The following PIGL variants were observed in gnomAD, a reference collection of about 807,000 sequenced individuals.
The protein encoded by PIGL is N-acetylglucosaminyl-phosphatidylinositol de-N-acetylase.
PIGL carries 22 observed loss-of-function variants against 31.1 expected under a neutral mutation model. The ratio of observed to expected loss-of-function variants is 0.71; its 90% CI spans 0.51 to 1.01. The LOEUF (loss-of-function observed/expected upper bound fraction) is 1.01, where lower values mean the gene tolerates loss of function less well. Ranked by LOEUF, PIGL falls within the 50% of genes least tolerant of loss-of-function variation. PIGL has a pLI of 0.00. For synonymous variants in PIGL, 131 were observed against 117.4 expected (o/e 1.12, Z -0.75); for missense variants, 302 against 315.9 (o/e 0.96, Z 0.33).
At chr17:16,320,080 G>A (rs2093096592) in intron 6 of PIGL, among the ~76,000 whole-genome samples, 1 of 150,770 alleles carries the variant, frequency 6.6e-6, no homozygotes, top group African/African-American at 2.4e-5. Flanking sequence ...GAGCCCAGGA[G>A]TTTGTGTCTG....
intron 6 of PIGL, among the ~76,000 whole-genome samples, chr17:16,322,126 C>A (rs1338099981): frequency 6.7e-6 from 1 of 149,810 alleles, no homozygotes; most frequent in Non-Finnish European, 1.5e-5. Flanking sequence ...CAGAGTCTTG[C>A]TCTGTCACCC....
At chr17:16,265,893 T>C (rs1309716077) in intron 2 of PIGL, among the ~76,000 whole-genome samples, 1 of 152,088 alleles carries the variant, frequency 6.6e-6, no homozygotes, top group African/African-American at 2.4e-5. Context: ...GTAAAAGTCC[T>C]GAGTATCCTG....
intron 2 of PIGL, among the ~76,000 whole-genome samples, chr17:16,250,580 G>T (rs2092767013): frequency 6.6e-6 from 1 of 152,148 alleles, no homozygotes; most frequent in Admixed American, 6.6e-5. Context: ...CAGAGCTTTG[G>T]AATCTTACTT....
intron 1 of PIGL, among the ~76,000 whole-genome samples, chr17:16,223,027 A>G (rs1364586991): frequency 6.6e-6 from 1 of 152,264 alleles, no homozygotes; most frequent in East Asian, 1.9e-4. Flanking sequence ...AAATAAATAA[A>G]TAAAATGAAA....
intron 3 of PIGL, among the ~76,000 whole-genome samples, chr17:16,304,997 C>T (rs1042698038): frequency 3.3e-5 from 5 of 152,052 alleles, no homozygotes; most frequent in African/African-American, 1.2e-4. Context: ...ACAATCAAAA[C>T]GTCTCTAGGC....
chr17:16,311,800 G>C (rs1418083129), intron 3 of PIGL, among the ~76,000 whole-genome samples: 1 of 152,060 alleles, frequency 6.6e-6, no homozygotes, highest in Non-Finnish European at 1.5e-5. Context: ...CAACAGCATC[G>C]CAAGGCAGAA....
intron 3 of PIGL, among the ~76,000 whole-genome samples, chr17:16,311,486 A>ATTTTTTTTT (rs1568840853): frequency 5.2e-3 from 53 of 10,206 alleles, no homozygotes; most frequent in Non-Finnish European, 6.1e-3. Flanking sequence ...TTTTTTGATC[A>ATTTTTTTTT]TTCTTGGGTG....
chr17:16,299,933 G>A lies in PIGL; in HGVS notation c.381G>A (p.Val127=), dbSNP rs767349127. 1 of 1,614,088 alleles carries A rather than the reference G, an allele frequency of 6.2e-7. No individual in the cohort carries two copies. The change falls in exon 3 of 7, where the codon GTG becomes GTA. Residue 127 remains valine, a synonymous_variant. Coordinates refer to ENST00000225609, the MANE Select transcript of PIGL (RefSeq NM_004278.4). ...DPGMQWDTEH[V]ARVLLQHIEV... ...GCATGCAGTGGGACACAGAGCACGT[G>A]GCCAGAGTCCTCCTTCAGCACATAG...
intron 2 of PIGL, among the ~76,000 whole-genome samples, chr17:16,298,765 C>T (rs529902525): frequency 9.2e-4 from 140 of 151,894 alleles, no homozygotes; most frequent in African/African-American, 3.2e-3. Flanking sequence ...CAGTGGCTCA[C>T]GCCTGTAATC....
chr17:16,290,135 C>T (rs2092954320), intron 2 of PIGL, among the ~76,000 whole-genome samples: 2 of 149,786 alleles, frequency 1.3e-5, no homozygotes, highest in Admixed American at 1.3e-4. Context: ...GCTCTGTTGC[C>T]CAGGCTGGAA....
At chr17:16,237,491 C>T (rs1010645561) in intron 2 of PIGL, among the ~76,000 whole-genome samples, 6 of 151,406 alleles carry the variant, frequency 4.0e-5, no homozygotes, top group Non-Finnish European at 7.4e-5. Context: ...TTTTGTTTAA[C>T]GTCATTGATA....
At position 16,317,326 on chromosome 17, in the gene PIGL, T is replaced by G. The variant is rs920627169; in HGVS notation, c.527-449T>G. ...GTTTGTTTGATTCTTATATCAATCC[T>G]GTGAGACAGGCAGGTCTCACACTAT... On this transcript the variant is annotated intron_variant, in intron 5 of 6. Coordinates refer to ENST00000225609, the MANE Select transcript of PIGL (RefSeq NM_004278.4). 1.6e-5 allele frequency: 16 copies of G among 982,660 alleles called. No homozygotes were observed. In the South Asian group the frequency reaches 6.6e-4, roughly 41 times the overall value. 60.9% of individuals were successfully genotyped at this position (982,660 alleles called of 1,614,324 possible). A position where few individuals can be genotyped will look rare whatever the true frequency, so the allele number is the denominator to read the frequency against.
At chr17:16,220,514 A>T (rs2092623385) in intron 1 of PIGL, among the ~76,000 whole-genome samples, 1 of 114,500 alleles carries the variant, frequency 8.7e-6, no homozygotes, top group Non-Finnish European at 1.7e-5. Context: ...TTTGAGGCAG[A>T]GTCTCACCCT....
chr17:16,297,816 C>T (rs1053816770), intron 2 of PIGL, among the ~76,000 whole-genome samples: 2 of 152,110 alleles, frequency 1.3e-5, no homozygotes, highest in Non-Finnish European at 2.9e-5. Context: ...ACAAAGCTGC[C>T]CTCTGTAGAA....
intron 2 of PIGL, among the ~76,000 whole-genome samples, chr17:16,249,908 T>C (rs1568795808): frequency 6.6e-6 from 1 of 152,212 alleles, no homozygotes; most frequent in Admixed American, 6.6e-5. Flanking sequence ...ACCAGTTCTC[T>C]AGATAATCCT....
At chr17:16,298,421 A>T (rs2092991450) in intron 2 of PIGL, among the ~76,000 whole-genome samples, 1 of 152,212 alleles carries the variant, frequency 6.6e-6, no homozygotes, top group Non-Finnish European at 1.5e-5. Flanking sequence ...TTTTCAAAAA[A>T]GGGGGCCAAG....
intron 2 of PIGL, among the ~76,000 whole-genome samples, chr17:16,297,055 A>G (rs1307385725): frequency 6.6e-6 from 1 of 152,170 alleles, no homozygotes; most frequent in Admixed American, 6.5e-5. Context: ...GACCTGTGTT[A>G]TCTCATTGAC....
At chr17:16,274,715 C>G (rs933848400) in intron 2 of PIGL, among the ~76,000 whole-genome samples, 9 of 147,612 alleles carry the variant, frequency 6.1e-5, no homozygotes, top group Non-Finnish European at 1.0e-4. Flanking sequence ...AAGAGCAAGA[C>G]TACGTCTCAA....
At chr17:16,274,265 T>C (rs553649200) in intron 2 of PIGL, among the ~76,000 whole-genome samples, 6 of 152,126 alleles carry the variant, frequency 3.9e-5, no homozygotes, top group Admixed American at 3.3e-4. Context: ...TTGGAGCGTG[T>C]AAAGGAAATG....
Sources: allele counts gnomAD v4.1 joint callset (sites outside exome capture counted in the v4.1 genomes callset), GRCh38; gene constraint gnomAD v4.1.1; transcripts MANE v1.5; gene names NCBI Gene and HGNC (gene_info 2026-07-23, HGNC 2026-07-21).